Variants in MAST4 observed in about 807,000 individuals in gnomAD.
The protein encoded by MAST4 is microtubule-associated serine/threonine-protein kinase 4.
In MAST4, 89 loss-of-function variants were observed where a neutral mutation model predicts 162.7. The observed-to-expected ratio is 0.55, with a 90% confidence interval of 0.46 to 0.65. The LOEUF (loss-of-function observed/expected upper bound fraction) is 0.65, where lower values mean the gene tolerates loss of function less well. Among genes scored for constraint, MAST4 ranks in the 30% least tolerant of loss-of-function variants. The pLI is 0.00. For missense variants in MAST4, 3,153 were observed against 3,374.0 expected, an observed-to-expected ratio of 0.93 and a Z score of 1.62; for synonymous variants, 1,479 against 1,361.1, an observed-to-expected ratio of 1.09 and a Z score of -1.91.
intron 5 of MAST4, among the ~76,000 whole-genome samples, chr5:67,071,932 T>TTAAC (rs61641902): frequency 0.054 from 8,194 of 152,230 alleles, 641 homozygotes; most frequent in African/African-American, 0.17. Flanking sequence ...CTAGAACTCA[T>TTAAC]TAAGATCAGA....
At chr5:66,679,061 G>T (rs1580175610) in intron 1 of MAST4, among the ~76,000 whole-genome samples, 1 of 152,320 alleles carries the variant, frequency 6.6e-6, no homozygotes, top group East Asian at 1.9e-4. Flanking sequence ...TGAAGTCTGA[G>T]ATTACAGGTG....
In MAST4 at chr5:67,133,724, G is replaced by A. The variant is rs553312055; in HGVS notation, c.2226+78G>A. On this transcript the variant is annotated intron_variant, in intron 17 of 28. Coordinates refer to ENST00000403625, the MANE Select transcript of MAST4 (RefSeq NM_001164664.2). ...AGTGAAGTTCAGAATCAACTTGTGTGGGCCATCTTCACATTAGTGCTGGTG... is the reference window on the plus strand; with the variant it reads ...AGTGAAGTTCAGAATCAACTTGTGTAGGCCATCTTCACATTAGTGCTGGTG... 1.3e-5 allele frequency: 20 copies of A among 1,497,956 alleles called. No individual in the cohort carries two copies. The African/African-American group carries it at 2.1e-4, about 15-fold the overall frequency. The allele number at this position is 1,497,956 out of a possible 1,614,324, so 92.8% of individuals were successfully genotyped here.
chr5:66,722,701 A>G (rs896858358), intron 1 of MAST4, among the ~76,000 whole-genome samples: 1 of 152,258 alleles, frequency 6.6e-6, no homozygotes, highest in South Asian at 2.1e-4. Flanking sequence ...GCTGCAGCTC[A>G]TAACATTTTA....
In MAST4 at chr5:66,596,406, G is replaced by C. The variant is rs1048758362; in HGVS notation, c.-250G>C. The C allele has an allele frequency of 2.6e-6, 1 of 392,046 alleles. No homozygotes were observed. The highest frequency in any genetic ancestry group is 2.1e-5 in the African/African-American group (1 of 48,272). 24.3% of individuals were successfully genotyped at this position (392,046 alleles called of 1,614,324 possible). On this transcript the variant is annotated 5_prime_UTR_variant, in exon 1 of 29. Coordinates refer to ENST00000403625, the MANE Select transcript of MAST4 (RefSeq NM_001164664.2). Reference sequence around the variant, plus strand: ...CAGCGCGGGAGCACAGTGGAGCGCAGATCGCGGACCCGAGCGGGCATGTCC... The same window carrying C: ...CAGCGCGGGAGCACAGTGGAGCGCACATCGCGGACCCGAGCGGGCATGTCC...
At chr5:67,037,807 A>G (rs1355986177) in intron 4 of MAST4, among the ~76,000 whole-genome samples, 1 of 152,172 alleles carries the variant, frequency 6.6e-6, no homozygotes, top group African/African-American at 2.4e-5. Flanking sequence ...AGATAGAGTT[A>G]TCATTTATAA....
chr5:67,160,466 A>C lies in MAST4; in HGVS notation c.3659A>C (p.Lys1220Thr), dbSNP rs750854411. ...TCATCTTTTCTTTAGAGTGGGAATA[A>C]GGTGTCAATCACTACTACCCCATTT... ...VIELLLKSGN[K>T]VSITTTPFEN... is the part of the protein sequence containing the mutation. The change falls in exon 27 of 29, where the codon AAG (lysine) becomes ACG (threonine). Residue 1220 changes from lysine (K) to threonine (T), a missense_variant. Transcript: ENST00000403625. The C allele has an allele frequency of 1.2e-6, 2 of 1,610,104 alleles. No homozygotes were observed. Among genetic ancestry groups the C allele is most frequent in the East Asian group, 2.2e-5 (1 of 44,790 alleles).
chr5:66,675,798 C>T (rs1747908420), intron 1 of MAST4, among the ~76,000 whole-genome samples: 1 of 152,174 alleles, frequency 6.6e-6, no homozygotes, highest in African/African-American at 2.4e-5. Context: ...AATATTACAT[C>T]TTGTTCTGAT....
rs558600015 is a variant in MAST4, at chr5:66,868,418, T to A, written c.643-31533T>A. On this transcript the variant is annotated intron_variant, in intron 3 of 28. Coordinates refer to ENST00000403625, the MANE Select transcript of MAST4 (RefSeq NM_001164664.2). ...TAACATATATATATGTGTGTATATG[T>A]GTATATATATGTATATACATATATA... Among the ~76,000 whole-genome samples, 8 of 151,400 alleles carry A rather than the reference T, an allele frequency of 5.3e-5. No individual in the cohort carries two copies. The East Asian group carries it at 1.4e-3, about 26-fold the overall frequency.
chr5:66,748,215 C>T (rs752011876), intron 1 of MAST4, among the ~76,000 whole-genome samples: 6 of 152,020 alleles, frequency 3.9e-5, no homozygotes, highest in African/African-American at 7.2e-5. Context: ...CTGTCAGTTT[C>T]GTTCCTTGCC....
chr5:66,912,305 A>G (rs1372561785), intron 4 of MAST4, among the ~76,000 whole-genome samples: 2 of 152,234 alleles, frequency 1.3e-5, no homozygotes, highest in Admixed American at 6.5e-5. Context: ...CATGGGGCAC[A>G]TGAGTGGGTT....
intron 1 of MAST4, among the ~76,000 whole-genome samples, chr5:66,750,765 G>T (rs967191574): frequency 2.6e-5 from 4 of 152,190 alleles, no homozygotes; most frequent in Admixed American, 6.5e-5. Context: ...ACAAAGCAGA[G>T]GGGAAGCTCG....
intron 4 of MAST4, among the ~76,000 whole-genome samples, chr5:67,043,049 A>G (rs1331357687): frequency 2.0e-5 from 3 of 152,188 alleles, no homozygotes; most frequent in Non-Finnish European, 4.4e-5. Context: ...TTTCTGTTGA[A>G]TGTCATAAAA....
intron 5 of MAST4, among the ~76,000 whole-genome samples, chr5:67,087,738 A>G (rs1050150242): frequency 1.3e-5 from 2 of 152,196 alleles, no homozygotes; most frequent in African/African-American, 4.8e-5. Flanking sequence ...GTGTATGTAT[A>G]TGTGTGTATA....
At chr5:66,907,090 G>A (rs1349172617) in intron 4 of MAST4, among the ~76,000 whole-genome samples, 1 of 151,294 alleles carries the variant, frequency 6.6e-6, no homozygotes, top group Non-Finnish European at 1.5e-5. Context: ...GATTAAGCTT[G>A]TGGACATATA....
In MAST4 at chr5:67,169,065, A is replaced by G. The variant is rs923018263; in HGVS notation, c.*2014A>G. 1.2e-4 allele frequency: 18 copies of G among 152,310 alleles called. No individual in the cohort carries two copies. The highest frequency in any genetic ancestry group is 4.1e-4 in the African/African-American group (17 of 41,566). The allele number at this position is 152,310 out of a possible 1,614,324, so 9.4% of individuals were successfully genotyped here. A position where few individuals can be genotyped will look rare whatever the true frequency, so the allele number is the denominator to read the frequency against. On this transcript the variant is annotated 3_prime_UTR_variant, in exon 29 of 29. Transcript: ENST00000403625. ...TTCAAAACTGGTCTCAACGTTTATA[A>G]TACATATCTGTGTTTGGCAGTTGTC...
intron 3 of MAST4, among the ~76,000 whole-genome samples, chr5:66,883,801 T>C (rs1291124088): frequency 6.6e-6 from 1 of 152,190 alleles, no homozygotes; most frequent in Non-Finnish European, 1.5e-5. Flanking sequence ...GGCCTACCTA[T>C]GGTATGGTAG....
intron 4 of MAST4, among the ~76,000 whole-genome samples, chr5:66,932,181 G>A (rs1186621458): frequency 6.6e-6 from 1 of 152,172 alleles, no homozygotes; most frequent in Non-Finnish European, 1.5e-5. Flanking sequence ...CATCAGGTCT[G>A]TCACCGTTAT....
chr5:66,689,313 G>T lies in MAST4; in HGVS notation c.364-70396G>T, dbSNP rs142902465. Among the ~76,000 whole-genome samples, 479 of 152,248 alleles carry T rather than the reference G, an allele frequency of 3.1e-3. 4 individuals are homozygous for T. The Middle Eastern group carries it at 0.037, about 12-fold the overall frequency. On this transcript the variant is annotated intron_variant, in intron 1 of 28. Coordinates refer to ENST00000403625, the MANE Select transcript of MAST4 (RefSeq NM_001164664.2). ...CTCTTAGAAGAGAGACCAGGGTGAG[G>T]TGCAATCTCTACTGTCCCCTAATCC... is the stretch of plus-strand genomic sequence containing the variant.
chr5:67,156,041 AGAGT>A (rs1323148319), intron 26 of MAST4, among the ~76,000 whole-genome samples: 1 of 150,604 alleles, frequency 6.6e-6, no homozygotes, highest in Non-Finnish European at 1.5e-5. Context: ...CCTGGGCGAC[AGAGT>A]GAGATTCCGT....
Sources: allele counts gnomAD v4.1 joint callset (sites outside exome capture counted in the v4.1 genomes callset), GRCh38; gene constraint gnomAD v4.1.1; transcripts MANE v1.5; gene names NCBI Gene and HGNC (gene_info 2026-07-23, HGNC 2026-07-21).